The following ZNF407 variants were observed in gnomAD, a reference collection of about 807,000 sequenced individuals.
ZNF407 encodes the protein zinc finger protein 407.
Under a neutral mutation model 131.2 loss-of-function variants are expected in ZNF407, and 17 were observed. The ratio of observed to expected loss-of-function variants is 0.13; its 90% CI spans 0.09 to 0.19. The LOEUF is 0.19. Among genes scored for constraint, ZNF407 ranks in the 10% least tolerant of loss-of-function variants. The pLI is 1.00. For synonymous variants in ZNF407, 1,156 were observed against 1,062.0 expected, an observed-to-expected ratio of 1.09 and a Z score of -1.72; for missense variants, 2,681 against 2,830.6, an observed-to-expected ratio of 0.95 and a Z score of 1.20.
At chr18:74,674,360 G>C (rs1461783116) in intron 3 of ZNF407, among the ~76,000 whole-genome samples, 1 of 152,172 alleles carries the variant, frequency 6.6e-6, no homozygotes, top group Non-Finnish European at 1.5e-5. Context: ...TGCAGATCAG[G>C]TCCCTACCTC....
At chr18:75,010,704 G>A (rs185618649) in intron 8 of ZNF407, among the ~76,000 whole-genome samples, 9 of 152,252 alleles carry the variant, frequency 5.9e-5, no homozygotes, top group Non-Finnish European at 1.3e-4. Context: ...AACTCCTGCC[G>A]TTGTCTTGTT....
intron 3 of ZNF407, among the ~76,000 whole-genome samples, chr18:74,662,732 A>G (rs564438339): frequency 6.6e-6 from 1 of 152,358 alleles, no homozygotes; most frequent in South Asian, 2.1e-4. Context: ...CAGATAATTG[A>G]AAGTGTTTCA....
At chr18:74,725,750 A>G (rs1968141442) in intron 3 of ZNF407, among the ~76,000 whole-genome samples, 1 of 152,084 alleles carries the variant, frequency 6.6e-6, no homozygotes, top group South Asian at 2.1e-4. Context: ...TTATGTTTTC[A>G]TGTGTAGCTT....
chr18:74,834,745 A>T (rs2145122830), intron 4 of ZNF407, among the ~76,000 whole-genome samples: 2 of 152,308 alleles, frequency 1.3e-5, no homozygotes, highest in Middle Eastern at 6.8e-3. Flanking sequence ...GACACAGGGA[A>T]AACAGTGCCC....
intron 3 of ZNF407, among the ~76,000 whole-genome samples, chr18:74,680,287 T>A (rs531450489): frequency 1.9e-4 from 29 of 151,954 alleles, no homozygotes; most frequent in Non-Finnish European, 3.7e-4. Flanking sequence ...CACACACTTG[T>A]AGTCGCAGCT....
At chr18:74,810,487 C>T (rs1425222571) in intron 4 of ZNF407, among the ~76,000 whole-genome samples, 1 of 151,918 alleles carries the variant, frequency 6.6e-6, no homozygotes, top group Non-Finnish European at 1.5e-5. Context: ...TGGTCTTAAA[C>T]TGTTAGAGAA....
At chr18:74,622,166 G>A (rs1205415235) in intron 1 of ZNF407, among the ~76,000 whole-genome samples, 1 of 152,126 alleles carries the variant, frequency 6.6e-6, no homozygotes, top group African/African-American at 2.4e-5. Context: ...GGAGAGGGTG[G>A]AGTGCAGCGC....
intron 8 of ZNF407, among the ~76,000 whole-genome samples, chr18:74,962,071 A>G (rs1245784749): frequency 6.6e-6 from 1 of 152,192 alleles, no homozygotes; most frequent in Non-Finnish European, 1.5e-5. Context: ...TATTCATTTA[A>G]TAAAGACTTT....
chr18:74,661,536 T>C (rs1278110931), intron 3 of ZNF407, among the ~76,000 whole-genome samples: 1 of 151,866 alleles, frequency 6.6e-6, no homozygotes, highest in African/African-American at 2.4e-5. Context: ...ATAATTTTTA[T>C]GTTTATTAAT....
At chr18:75,002,760 G>A (rs886197855) in intron 8 of ZNF407, among the ~76,000 whole-genome samples, 8 of 148,890 alleles carry the variant, frequency 5.4e-5, no homozygotes, top group Admixed American at 2.0e-4. Context: ...AGCCGAGATC[G>A]CGCCACTGCA....
chr18:74,878,787 T>C, intron 5 of ZNF407, among the ~76,000 whole-genome samples: 1 of 151,658 alleles, frequency 6.6e-6, no homozygotes, highest in East Asian at 1.9e-4. Flanking sequence ...GAACCCCCTC[T>C]AAATTCAAGA....
rs773731291 is a variant in ZNF407, at chr18:75,063,476, G to A, written c.5755G>A (p.Ala1919Thr). The change falls in exon 9 of 9, where the codon GCA becomes ACA. Residue 1919 changes from alanine (A) to threonine (T), a missense_variant. Ala to Thr is a moderately conservative substitution (Grantham distance 58, BLOSUM62 0). Around this residue, in one of 6 missense-constraint regions of ZNF407, gnomAD observed 620 missense variants for 583.1 expected, o/e 1.06. Transcript: ENST00000299687. This position sits in a 1 kb window ranked among gnomAD's most constrained non-coding sequence, Gnocchi z 6.6. ...GQVIATSQSG[A>T]HVGSVVPGPI... ...GGTCATCGCCACGAGTCAGAGCGGGGCACATGTAGGCAGCGTGGTGCCCGG... is the reference window on the plus strand; with the variant it reads ...GGTCATCGCCACGAGTCAGAGCGGGACACATGTAGGCAGCGTGGTGCCCGG... 3.1e-6 allele frequency: 5 copies of A among 1,601,714 alleles called. No individual in the cohort carries two copies. In the Admixed American group the frequency reaches 8.6e-5, roughly 27 times the overall value.
intron 1 of ZNF407, among the ~76,000 whole-genome samples, chr18:74,612,800 A>G (rs151192077): frequency 2.0e-5 from 3 of 152,326 alleles, no homozygotes; most frequent in African/African-American, 4.8e-5. Flanking sequence ...CAGAGAGATC[A>G]GGCACAGAAG....
At chr18:74,784,957 G>A (rs765708625) in intron 4 of ZNF407, among the ~76,000 whole-genome samples, 1 of 152,164 alleles carries the variant, frequency 6.6e-6, no homozygotes, top group Non-Finnish European at 1.5e-5. Context: ...GGAGGACAGG[G>A]AAATGATTCG....
At chr18:74,844,433 G>A (rs1205462407) in intron 4 of ZNF407, among the ~76,000 whole-genome samples, 1 of 152,270 alleles carries the variant, frequency 6.6e-6, no homozygotes, top group East Asian at 1.9e-4. Flanking sequence ...CTGTGTTCAT[G>A]CCCTTAACAC....
intron 3 of ZNF407, among the ~76,000 whole-genome samples, chr18:74,644,333 T>C (rs960148719): frequency 1.3e-5 from 2 of 151,768 alleles, no homozygotes; most frequent in African/African-American, 4.8e-5. Flanking sequence ...GACATAGGGC[T>C]TAGTGAGAGA....
chr18:74,871,333 A>C (rs1971084127), intron 4 of ZNF407, among the ~76,000 whole-genome samples: 1 of 152,200 alleles, frequency 6.6e-6, no homozygotes, highest in Non-Finnish European at 1.5e-5. Context: ...TATTATCTTG[A>C]AAAAAGAAGG....
intron 3 of ZNF407, among the ~76,000 whole-genome samples, chr18:74,725,813 G>A (rs1199314067): frequency 6.6e-6 from 1 of 152,078 alleles, no homozygotes; most frequent in Non-Finnish European, 1.5e-5. Context: ...AATATATTAA[G>A]CAATACTTGT....
chr18:75,039,631 A>C (rs1006455078), intron 8 of ZNF407, among the ~76,000 whole-genome samples: 2 of 151,644 alleles, frequency 1.3e-5, no homozygotes, highest in Non-Finnish European at 2.9e-5. Flanking sequence ...ATTTGTTTTA[A>C]ATGTTTTTTT....
Sources: gnomAD v4.1 joint callset for allele counts (sites outside exome capture counted in the v4.1 genomes callset) on GRCh38, gnomAD v4.1.1 for gene constraint, gnomAD v4.1.1 regional missense constraint, Gnocchi (gnomAD v3.1) non-coding constraint, MANE v1.5 for transcripts, NCBI Gene and HGNC (gene_info 2026-07-23, HGNC 2026-07-21) for gene names.